Variants in WIPF2 observed in about 807,000 individuals in gnomAD.
The protein encoded by WIPF2 is WAS/WASL interacting protein family member 2.
A neutral mutation model predicts 38.8 loss-of-function variants in WIPF2; 23 were observed. That is an observed-to-expected ratio of 0.59 (90% CI 0.43 to 0.84). The LOEUF (loss-of-function observed/expected upper bound fraction) is 0.84. WIPF2 is among the 40% of genes least tolerant of loss of function. The pLI, the probability that WIPF2 is intolerant of heterozygous loss-of-function variation, is 0.00. For synonymous variants in WIPF2, 210 were observed against 223.2 expected (o/e 0.94, Z 0.53); for missense variants, 574 against 580.5 (o/e 0.99, Z 0.11).
At chr17:40,249,893 C>T (rs1052194318) in intron 1 of WIPF2, among the ~76,000 whole-genome samples, 3 of 147,238 alleles carry the variant, frequency 2.0e-5, no homozygotes, top group East Asian at 2.0e-4. Flanking sequence ...AGTGCGGTGA[C>T]GTGACCTTGG....
At chr17:40,253,938 G>A (rs1461810675) in intron 1 of WIPF2, among the ~76,000 whole-genome samples, 1 of 151,922 alleles carries the variant, frequency 6.6e-6, no homozygotes, top group African/African-American at 2.4e-5. Flanking sequence ...TTAAATTACT[G>A]CATTATTGAC....
chr17:40,278,391 T>TC lies in WIPF2; in HGVS notation c.*167dup, dbSNP rs1390109537. On this transcript the variant is annotated 3_prime_UTR_variant, in exon 8 of 8. Transcript: ENST00000323571. ...CCCAGCTCACCTCCATCTATGCATC[T>TC]CATCTCTGGATTTGGTGATCAGACT... 1.6e-5 allele frequency: 12 copies of TC among 735,206 alleles called. No homozygotes were observed. Among genetic ancestry groups the TC allele is most frequent in the Non-Finnish European group, 1.3e-5 (6 of 449,936 alleles). 45.5% of individuals were successfully genotyped at this position (735,206 alleles called of 1,614,324 possible).
intron 4 of WIPF2, among the ~76,000 whole-genome samples, chr17:40,262,974 C>T (rs1215864581): frequency 6.6e-6 from 1 of 152,114 alleles, no homozygotes; most frequent in Non-Finnish European, 1.5e-5. Flanking sequence ...ACTGCATGAT[C>T]TCATTTATAT....
At chr17:40,246,066 T>C (rs1178146168) in intron 1 of WIPF2, among the ~76,000 whole-genome samples, 1 of 152,022 alleles carries the variant, frequency 6.6e-6, no homozygotes, top group East Asian at 1.9e-4. Context: ...CCACCCAGAC[T>C]TGCTTGCTCT....
At chr17:40,276,343 C>T (rs1034632840) in intron 6 of WIPF2, among the ~76,000 whole-genome samples, 6 of 151,554 alleles carry the variant, frequency 4.0e-5, no homozygotes, top group Non-Finnish European at 8.8e-5. Flanking sequence ...GCCTGGCCAA[C>T]ATGGTGAAAC....
At chr17:40,234,106 C>T (rs112418265) in intron 1 of WIPF2, among the ~76,000 whole-genome samples, 2 of 151,686 alleles carry the variant, frequency 1.3e-5, no homozygotes, top group Middle Eastern at 3.2e-3. Flanking sequence ...CAGTGGCTCA[C>T]GCCTGTAATC....
intron 6 of WIPF2, among the ~76,000 whole-genome samples, chr17:40,276,294 G>A (rs2032396495): frequency 6.6e-6 from 1 of 151,862 alleles, no homozygotes; most frequent in African/African-American, 2.4e-5. Context: ...TTGGGAGGCC[G>A]AGGCAGGTGG....
intron 6 of WIPF2, among the ~76,000 whole-genome samples, chr17:40,275,534 T>C (rs1446649541): frequency 6.6e-6 from 1 of 151,912 alleles, no homozygotes; most frequent in Non-Finnish European, 1.5e-5. Flanking sequence ...TTGGAAGAAA[T>C]CTCTGAAAGG....
rs1337165251 is a variant in WIPF2, at chr17:40,282,774, G to C, written c.*4549G>C. On this transcript the variant is annotated 3_prime_UTR_variant, in exon 8 of 8. Coordinates refer to ENST00000323571, the MANE Select transcript of WIPF2 (RefSeq NM_133264.5). ...GAGAAAACCTTTGCCTCATAATTTG[G>C]GTAAGTGTAGTGGTTTGATTCCAGG... is the stretch of plus-strand genomic sequence containing the variant. 6.6e-6 allele frequency: 1 copy of C among 152,112 alleles called. No homozygotes were observed. Among genetic ancestry groups the C allele is most frequent in the African/African-American group, 2.4e-5 (1 of 41,420 alleles). 9.4% of individuals were successfully genotyped at this position (152,112 alleles called of 1,614,324 possible). A position where few individuals can be genotyped will look rare whatever the true frequency, so the allele number is the denominator to read the frequency against.
rs1015303953 is a variant in WIPF2 at position 40,282,803 on chromosome 17, C to G, written c.*4578C>G. On this transcript the variant is annotated 3_prime_UTR_variant, in exon 8 of 8. Coordinates refer to ENST00000323571, the MANE Select transcript of WIPF2 (RefSeq NM_133264.5). ...AGTGTAGTGGTTTGATTCCAGGTCC[C>G]TTGAAAAAGTAGATCTACTGAATTG... 6.6e-6 allele frequency: 1 copy of G among 152,114 alleles called. No homozygotes were observed. The highest frequency in any genetic ancestry group is 6.5e-5 in the Admixed American group (1 of 15,274). 9.4% of individuals were successfully genotyped at this position (152,114 alleles called of 1,614,324 possible). A position where few individuals can be genotyped will look rare whatever the true frequency, so the allele number is the denominator to read the frequency against.
chr17:40,263,121 AG>A (rs930333573), intron 4 of WIPF2, among the ~76,000 whole-genome samples: 3 of 152,010 alleles, frequency 2.0e-5, no homozygotes, highest in African/African-American at 7.3e-5. Flanking sequence ...GTTAGACAGG[AG>A]GGGTAAGTTT....
intron 1 of WIPF2, among the ~76,000 whole-genome samples, chr17:40,222,773 C>T (rs1035940235): frequency 4.3e-5 from 6 of 139,602 alleles, no homozygotes; most frequent in Non-Finnish European, 9.1e-5. Context: ...CGGATTCAAG[C>T]GCTTCTCCTG....
chr17:40,250,206 C>T (rs190952273), intron 1 of WIPF2, among the ~76,000 whole-genome samples: 18 of 129,102 alleles, frequency 1.4e-4, no homozygotes, highest in African/African-American at 4.6e-4. Context: ...ATGTGCAAAG[C>T]GAATTTTATC....
intron 1 of WIPF2, among the ~76,000 whole-genome samples, chr17:40,237,685 G>A (rs1346208468): frequency 2.7e-5 from 4 of 148,584 alleles, no homozygotes; most frequent in African/African-American, 7.4e-5. Context: ...TTACTCTGTC[G>A]CCCAGGCTGG....
In WIPF2 at chr17:40,264,884, T is replaced by C. The variant is rs1598494042; in HGVS notation, c.708T>C (p.Pro236=). The change falls in exon 5 of 8, where the codon CCT becomes CCC. Residue 236 remains proline, a synonymous_variant. Coordinates refer to ENST00000323571, the MANE Select transcript of WIPF2 (RefSeq NM_133264.5). ...APPPVKPPPS[P]VNIRTGPSGQ... ...CCCCAGTCAAACCACCTCCTTCCCC[T>C]GTGAATATCAGAACAGGACCAAGTG... 3 of 1,613,978 alleles carry C rather than the reference T, an allele frequency of 1.9e-6. No individual in the cohort carries two copies. The highest frequency in any genetic ancestry group is 2.2e-5 in the East Asian group (1 of 44,888).
intron 1 of WIPF2, among the ~76,000 whole-genome samples, chr17:40,248,269 AT>A (rs939628714): frequency 3.0e-5 from 4 of 133,462 alleles, no homozygotes; most frequent in African/African-American, 1.2e-4. Context: ...GGTTCAAGTG[AT>A]TCTCGCACTT....
intron 1 of WIPF2, among the ~76,000 whole-genome samples, chr17:40,231,080 A>T (rs2030720738): frequency 6.6e-6 from 1 of 152,206 alleles, no homozygotes; most frequent in African/African-American, 2.4e-5. Flanking sequence ...AACTTAAAGT[A>T]GACTCTTGAC....
intron 1 of WIPF2, among the ~76,000 whole-genome samples, chr17:40,251,380 C>T (rs113560262): frequency 4.0e-5 from 6 of 151,286 alleles, no homozygotes; most frequent in African/African-American, 1.5e-4. Context: ...CAAAGCAGAC[C>T]CTCTGCATTG....
At chr17:40,264,326 C>CAAAAAAAA (rs772320240) in intron 4 of WIPF2, among the ~76,000 whole-genome samples, 164 bp from the exon 5 acceptor site, 21 of 23,936 alleles carry the variant, frequency 8.8e-4, no homozygotes, top group African/African-American at 1.0e-3. Flanking sequence ...AACTTCGTCT[C>CAAAAAAAA]AAAAAAAAAA....
Sources: gnomAD v4.1 joint callset for allele counts (sites outside exome capture counted in the v4.1 genomes callset) on GRCh38, gnomAD v4.1.1 for gene constraint, MANE v1.5 for transcripts, NCBI Gene and HGNC (gene_info 2026-07-23, HGNC 2026-07-21) for gene names.